Variants in SUCLG1 observed in about 807,000 individuals in gnomAD.
The protein encoded by SUCLG1 is succinate-CoA ligase GDP/ADP-forming subunit alpha, also known as succinate--CoA ligase [ADP/GDP-forming] subunit alpha, mitochondrial.
SUCLG1 carries 26 observed loss-of-function variants against 37.3 expected under a neutral mutation model. The ratio of observed to expected loss-of-function variants is 0.70; its 90% confidence interval spans 0.51 to 0.97. SUCLG1 has a LOEUF of 0.97. Among genes scored for constraint, SUCLG1 ranks in the 50% least tolerant of loss-of-function variants. SUCLG1 has a pLI of 0.00. For synonymous variants in SUCLG1, 163 were observed against 155.6 expected, an observed-to-expected ratio of 1.05 and a Z score of -0.36; for missense variants, 433 against 432.9, an observed-to-expected ratio of 1.00 and a Z score of 0.00.
At chr2:84,424,832 A>ATT (rs926901615) in intron 8 of SUCLG1, among the ~76,000 whole-genome samples, 1 of 152,202 alleles carries the variant, frequency 6.6e-6, no homozygotes, top group African/African-American at 2.4e-5. Flanking sequence ...ATAATGTCCT[A>ATT]TTAAAAAAGG....
intron 1 of SUCLG1, among the ~76,000 whole-genome samples, chr2:84,454,920 C>T (rs1672995454): frequency 6.6e-6 from 1 of 152,148 alleles, no homozygotes; most frequent in African/African-American, 2.4e-5. Flanking sequence ...ATACTCAATA[C>T]TCCTTCAACT....
intron 4 of SUCLG1, 71 bp downstream of exon 4, chr2:84,441,176 C>A: frequency 6.2e-7 from 1 of 1,611,444 alleles, no homozygotes; most frequent in Non-Finnish European, 8.5e-7. Flanking sequence ...CAAATACACT[C>A]GCATTCACTC....
At chr2:84,437,075 T>C (rs1483462847) in intron 5 of SUCLG1, among the ~76,000 whole-genome samples, 4 of 152,166 alleles carry the variant, frequency 2.6e-5, no homozygotes, top group African/African-American at 9.6e-5. Flanking sequence ...ACTTTTCCCC[T>C]ATTCTCAGTG....
Position 84,441,469 on chromosome 2 carries a change from T to C in SUCLG1, c.319-10A>G. 6.2e-7 allele frequency: 1 copy of C among 1,613,492 alleles called. No individual in the cohort carries two copies. On this transcript the variant is annotated splice_polypyrimidine_tract_variant and intron_variant, in intron 3 of 8. Coordinates refer to ENST00000393868, the MANE Select transcript of SUCLG1 (RefSeq NM_003849.4). The stretch of plus-strand genomic sequence containing the variant: ...CTGTCTGTTCTTTGGCCTGAAACAT[T>C]AACGACGAAGCACCTTATTATTTGT...
chr2:84,429,313 T>C (rs1200804471), intron 7 of SUCLG1, among the ~76,000 whole-genome samples: 3 of 152,104 alleles, frequency 2.0e-5, no homozygotes, highest in African/African-American at 7.2e-5. Flanking sequence ...TGGGCCCAAA[T>C]ACATTTTAAA....
chr2:84,423,877 T>C, intron 8 of SUCLG1, 105 bp from the exon 9 acceptor site: 1 of 1,194,222 alleles, frequency 8.4e-7, no homozygotes, highest in Non-Finnish European at 1.2e-6. Flanking sequence ...ATCTTTAGGA[T>C]CCCCTGAACA....
chr2:84,458,833 C>T (rs1428119492), intron 1 of SUCLG1, among the ~76,000 whole-genome samples: 1 of 152,208 alleles, frequency 6.6e-6, no homozygotes, highest in Non-Finnish European at 1.5e-5. Context: ...TCATCCCCAA[C>T]TCCAAATAAG....
intron 3 of SUCLG1, among the ~76,000 whole-genome samples, chr2:84,442,592 AACTTT>A (rs1672792339): frequency 6.6e-6 from 1 of 152,216 alleles, no homozygotes; most frequent in African/African-American, 2.4e-5. Context: ...TGTAAAATTT[AACTTT>A]ACTTACTTTT....
At chr2:84,432,008 G>A (rs544021713) in intron 6 of SUCLG1, among the ~76,000 whole-genome samples, 1 of 152,286 alleles carries the variant, frequency 6.6e-6, no homozygotes, top group East Asian at 1.9e-4. Context: ...TTAAGAAAAT[G>A]TGTATCTGTG....
intron 1 of SUCLG1, among the ~76,000 whole-genome samples, chr2:84,456,525 C>A (rs1484933930): frequency 6.6e-6 from 1 of 152,160 alleles, no homozygotes; most frequent in African/African-American, 2.4e-5. Context: ...TTAAAAAGAC[C>A]TTGCATTACT....
In SUCLG1 at chr2:84,459,218, T is replaced by C. The variant is rs1056577947; in HGVS notation, c.52A>G (p.Ser18Gly). Reference protein sequence around the residue: ...AADIATMVSGSSGLAAARLLS... With the variant: ...AADIATMVSGGSGLAAARLLS... ...AGACGGGCGGCGGCGAGGCCGCTGC[T>C]GCCGGAGACCATGGTAGCGATGTCA... Residue 18 changes from serine to glycine, a missense_variant, in exon 1 of 9, where the codon AGC (serine) becomes GGC (glycine). Coordinates refer to ENST00000393868, the MANE Select transcript of SUCLG1 (RefSeq NM_003849.4). 2.6e-6 allele frequency: 4 copies of C among 1,550,116 alleles called. No homozygotes were observed. The highest frequency in any genetic ancestry group is 1.4e-5 in the African/African-American group (1 of 73,006).
rs559704468 is a variant in SUCLG1, at chr2:84,440,164, C to T, written c.589+883G>A. Among the ~76,000 whole-genome samples, 35 of 152,208 alleles carry T rather than the reference C, an allele frequency of 2.3e-4. 1 individual carries two copies. The South Asian group carries it at 7.1e-3, about 31-fold the overall frequency. On this transcript the variant is annotated intron_variant, in intron 5 of 8. Coordinates refer to ENST00000393868, the MANE Select transcript of SUCLG1 (RefSeq NM_003849.4). ...CCGAGGCCAGCAGATCACCTGAGGT[C>T]GGGAGTTCGAGGCCAGCCTGACCAA... is the stretch of plus-strand genomic sequence containing the variant.
intron 8 of SUCLG1, among the ~76,000 whole-genome samples, chr2:84,425,137 C>T (rs1333998769): frequency 3.3e-5 from 5 of 152,210 alleles, no homozygotes; most frequent in East Asian, 3.8e-4. Context: ...ATGACACTTA[C>T]GATCTTCAAG....
intron 8 of SUCLG1, 136 bp from the exon 9 acceptor site, chr2:84,423,908 T>A (rs1194960111): frequency 2.2e-6 from 2 of 915,178 alleles, no homozygotes; most frequent in East Asian, 5.3e-5. Flanking sequence ...AGAAGAAAAA[T>A]GTACCAGGAT....
intron 1 of SUCLG1, chr2:84,458,600 C>G (rs1254121157): frequency 1.3e-5 from 2 of 152,218 alleles, no homozygotes; most frequent in East Asian, 1.9e-4. Flanking sequence ...GGTTTAGGTC[C>G]CAGCCAACCA....
intron 1 of SUCLG1, among the ~76,000 whole-genome samples, chr2:84,456,826 G>C (rs1214537462): frequency 3.9e-5 from 6 of 152,034 alleles, no homozygotes; most frequent in Non-Finnish European, 8.8e-5. Context: ...ACCACACCTG[G>C]CTAATTTTTG....
rs1291009742 is a variant in SUCLG1, at chr2:84,455,844, A to AC, written c.97+3328_97+3329insG. On this transcript the variant is annotated intron_variant, in intron 1 of 8. Coordinates refer to ENST00000393868, the MANE Select transcript of SUCLG1 (RefSeq NM_003849.4). The stretch of plus-strand genomic sequence containing the variant: ...GAGCAAGACTCCGTCTCAAAACAAA[A>AC]AAAAAAAAAAAAAATGTGGGTCTAT... 2.5e-3 allele frequency among the ~76,000 whole-genome samples: 380 copies of AC among 151,596 alleles called. 2 individuals carry two copies. Among genetic ancestry groups the AC allele is most frequent in the Non-Finnish European group, 3.4e-3 (234 of 67,862 alleles).
chr2:84,443,499 G>A (rs1036243425), intron 2 of SUCLG1, 99 bp from the exon 3 acceptor site: 1 of 932,116 alleles, frequency 1.1e-6, no homozygotes, highest in South Asian at 1.4e-5. Context: ...AAAACAAATA[G>A]GTTAACTATT....
intron 3 of SUCLG1, among the ~76,000 whole-genome samples, chr2:84,442,926 A>C (rs1467889441): frequency 6.6e-6 from 1 of 152,204 alleles, no homozygotes; most frequent in Non-Finnish European, 1.5e-5. Flanking sequence ...GTGAGGCCTG[A>C]ACAGGGCAAT....
Sources: allele counts gnomAD v4.1 joint callset (sites outside exome capture counted in the v4.1 genomes callset), GRCh38; gene constraint gnomAD v4.1.1; transcripts MANE v1.5; gene names NCBI Gene and HGNC (gene_info 2026-07-23, HGNC 2026-07-21).